The following DNAJC6 variants were observed in gnomAD, a reference collection of about 807,000 sequenced individuals.
DNAJC6 encodes the protein auxilin.
In DNAJC6, 34 loss-of-function variants were observed where a neutral mutation model predicts 110.0. The ratio of observed to expected loss-of-function variants is 0.31; its 90% CI spans 0.24 to 0.41. The LOEUF is 0.41. Among genes scored for constraint, DNAJC6 ranks in the 10% least tolerant of loss-of-function variants. The probability of loss-of-function intolerance (pLI) is 1.00; values close to 1 mark genes in which losing one functional copy is unlikely to be tolerated. For synonymous variants in DNAJC6, 406 were observed against 437.2 expected, an observed-to-expected ratio of 0.93 and a Z score of 0.89; for missense variants, 1,031 against 1,207.8, an observed-to-expected ratio of 0.85 and a Z score of 2.17.
intron 4 of DNAJC6, among the ~76,000 whole-genome samples, 187 bp from the exon 5 acceptor site, chr1:65,379,215 C>A (rs1645794763): frequency 6.6e-6 from 1 of 152,124 alleles, no homozygotes; most frequent in African/African-American, 2.4e-5. Flanking sequence ...AATGAGAATT[C>A]TTTAATTTAA....
chr1:65,385,637 T>A, intron 6 of DNAJC6, 75 bp from the exon 7 acceptor site: 1 of 1,309,386 alleles, frequency 7.6e-7, no homozygotes, highest in Non-Finnish European at 1.0e-6. Flanking sequence ...GCAAGAAGAA[T>A]CTTCATAGCA....
intron 1 of DNAJC6, among the ~76,000 whole-genome samples, chr1:65,357,900 C>T (rs762939425): frequency 4.6e-5 from 7 of 152,214 alleles, no homozygotes; most frequent in South Asian, 4.2e-4. Flanking sequence ...TGAATGTGGC[C>T]GGGCACGGTG....
intron 1 of DNAJC6, among the ~76,000 whole-genome samples, chr1:65,344,118 G>C (rs1557532067): frequency 6.6e-6 from 1 of 152,184 alleles, no homozygotes; most frequent in Non-Finnish European, 1.5e-5. Flanking sequence ...GGGAGGCCCT[G>C]GGTGTACAGT....
intron 12 of DNAJC6, among the ~76,000 whole-genome samples, chr1:65,393,534 A>G (rs533594010): frequency 6.6e-6 from 1 of 152,350 alleles, no homozygotes; most frequent in Admixed American, 6.5e-5. Context: ...TTCCTAGAAC[A>G]GAGCAGTTGG....
Position 65,268,524 on chromosome 1 carries a change from G to A in DNAJC6, c.-131+3592G>A, listed in dbSNP as rs74080369. On this transcript the variant is annotated intron_variant, in intron 1 of 19. Coordinates refer to the DNAJC6 transcript ENST00000263441. ...TTTACATATTGTCACAACACTGCAA[G>A]GTAGGTGGTATTTTATTCTGAAGAA... 3.8e-3 allele frequency among the ~76,000 whole-genome samples: 586 copies of A among 152,290 alleles called. 1 individual carries two copies. The highest frequency in any genetic ancestry group is 0.014 in the African/African-American group (564 of 41,556).
chr1:65,355,882 CTTTTTTT>C lies in DNAJC6; in HGVS notation c.194-8736_194-8730del, dbSNP rs372078909. Among the ~76,000 whole-genome samples, 11 of 82,852 alleles carry C rather than the reference CTTTTTTT, an allele frequency of 1.3e-4. No individual in the cohort carries two copies. In the East Asian group the frequency reaches 4.4e-3, roughly 33 times the overall value. The allele number at this position is 82,852 out of a possible 152,430, so 54.4% of individuals were successfully genotyped here. A position where few individuals can be genotyped will look rare whatever the true frequency, so the allele number is the denominator to read the frequency against. Reference sequence around the variant, plus strand: ...TTAACCCTGAAATGGAACAGCATGGCTTTTTTTTTTTTTTTTTTTTTTTCTGGCCAAG... The same window carrying C: ...TTAACCCTGAAATGGAACAGCATGGCTTTTTTTTTTTTTTTTCTGGCCAAG... On this transcript the variant is annotated intron_variant, in intron 1 of 18. Transcript: ENST00000371069.
chr1:65,363,487 T>A (rs1465855675), intron 1 of DNAJC6, among the ~76,000 whole-genome samples: 1 of 152,116 alleles, frequency 6.6e-6, no homozygotes, highest in Admixed American at 6.6e-5. Context: ...GACAGTTAAA[T>A]GTACCCTGGA....
chr1:65,355,264 CAAAAAAAAAAAAAA>C (rs58338708), intron 1 of DNAJC6, among the ~76,000 whole-genome samples: 1 of 84,232 alleles, frequency 1.2e-5, no homozygotes, highest in African/African-American at 4.8e-5. Context: ...CACCCTGTCT[CAAAAAAAAAAAAAA>C]AAAAAAAAGA....
rs185073465 is a variant in DNAJC6, at chr1:65,413,801, T to A, written c.*776T>A. On this transcript the variant is annotated 3_prime_UTR_variant, in exon 19 of 19. Transcript: ENST00000371069. ...TGATTAATTAAATAAAAAGTCTTAC[T>A]ACTATAACAACTCTAAACCTGGTTT... 1.3e-5 allele frequency: 2 copies of A among 152,370 alleles called. No individual in the cohort carries two copies. Among genetic ancestry groups the A allele is most frequent in the African/African-American group, 4.8e-5 (2 of 41,586 alleles). The allele number at this position is 152,370 out of a possible 1,614,324, so 9.4% of individuals were successfully genotyped here.
At chr1:65,403,330 AG>A (rs1166538824) in intron 15 of DNAJC6, among the ~76,000 whole-genome samples, 1 of 152,224 alleles carries the variant, frequency 6.6e-6, no homozygotes, top group African/African-American at 2.4e-5. Flanking sequence ...TTCAACACCA[AG>A]AAGTCTAGCT....
At chr1:65,354,645 T>C (rs1238013564) in intron 1 of DNAJC6, among the ~76,000 whole-genome samples, 1 of 152,198 alleles carries the variant, frequency 6.6e-6, no homozygotes, top group East Asian at 1.9e-4. Flanking sequence ...ATTAACAACC[T>C]GAAAAGTGAG....
rs1421894801 is a variant in DNAJC6 at position 65,364,787 on chromosome 1, T to C, written c.344+2T>C. 6.2e-7 allele frequency: 1 copy of C among 1,612,320 alleles called. No homozygotes were observed. Among genetic ancestry groups the C allele is most frequent in the Non-Finnish European group, 8.5e-7 (1 of 1,179,014 alleles). ...TAGAGTGATACAATCTGTGACCAGG[T>C]ACGCACATTCTTCCCAGTTAATTTA... On this transcript the variant is annotated splice_donor_variant, in intron 2 of 18. Transcript: ENST00000371069. LOFTEE classifies it high-confidence loss of function.
intron 1 of DNAJC6, among the ~76,000 whole-genome samples, chr1:65,339,915 G>T (rs1244414029): frequency 4.6e-5 from 7 of 152,148 alleles, no homozygotes; most frequent in African/African-American, 1.7e-4. Flanking sequence ...CAAATACTTC[G>T]ACTCCTTGTC....
intron 9 of DNAJC6, 33 bp downstream of exon 9, chr1:65,388,448 A>T (rs373564703): frequency 2.3e-5 from 37 of 1,597,194 alleles, no homozygotes; most frequent in Admixed American, 1.7e-4. Flanking sequence ...GTCTATTTGA[A>T]TCAAATTAGC....
chr1:65,276,344 A>G (rs746332760), intron 1 of DNAJC6, among the ~76,000 whole-genome samples: 2 of 152,056 alleles, frequency 1.3e-5, no homozygotes, highest in African/African-American at 2.4e-5. Flanking sequence ...GTCTTTCTTC[A>G]TATGCCTGGC....
intron 1 of DNAJC6, among the ~76,000 whole-genome samples, chr1:65,287,835 C>T (rs1654072877): frequency 1.3e-5 from 2 of 152,136 alleles, no homozygotes; most frequent in Admixed American, 1.3e-4. Flanking sequence ...AACTCCTGGG[C>T]TCCAACAGTC....
chr1:65,393,937 T>A (rs1220906813), intron 12 of DNAJC6, among the ~76,000 whole-genome samples: 2 of 152,162 alleles, frequency 1.3e-5, no homozygotes, highest in African/African-American at 2.4e-5. Context: ...GTGTTGAGGC[T>A]CAAGCTCCAA....
intron 9 of DNAJC6, 145 bp downstream of exon 9, chr1:65,388,560 C>A: frequency 1.4e-6 from 1 of 700,846 alleles, no homozygotes; most frequent in African/African-American, 1.8e-5. Context: ...AGGCTGTGGG[C>A]ATTCTAAAGC....
At chr1:65,340,428 A>G (rs1250441250) in intron 1 of DNAJC6, among the ~76,000 whole-genome samples, 1 of 152,182 alleles carries the variant, frequency 6.6e-6, no homozygotes, top group Non-Finnish European at 1.5e-5. Flanking sequence ...TTCCATAGCT[A>G]TAGCCATCTA....
Sources: gnomAD v4.1 joint callset for allele counts (sites outside exome capture counted in the v4.1 genomes callset) on GRCh38, gnomAD v4.1.1 for gene constraint, MANE v1.5 for transcripts, NCBI Gene and HGNC (gene_info 2026-07-23, HGNC 2026-07-21) for gene names.